The following ELMO1 variants were observed in gnomAD, a reference collection of about 807,000 sequenced individuals.
The protein encoded by ELMO1 is engulfment and cell motility 1, also known as engulfment and cell motility protein 1.
ELMO1 carries 26 observed loss-of-function variants against 98.9 expected under a neutral mutation model. That is an observed-to-expected ratio of 0.26 (90% confidence interval 0.19 to 0.36). The LOEUF is 0.36. Ranked by LOEUF, ELMO1 falls within the 10% of genes least tolerant of loss-of-function variation. The probability of loss-of-function intolerance (pLI) is 1.00; values close to 1 mark genes in which losing one functional copy is unlikely to be tolerated. For missense variants in ELMO1, 627 were observed against 935.2 expected (o/e 0.67, Z 4.30); for synonymous variants, 346 against 346.0 (o/e 1.00, Z 0.00).
chr7:37,153,745 A>G (rs1788524476), intron 13 of ELMO1, among the ~76,000 whole-genome samples: 1 of 152,210 alleles, frequency 6.6e-6, no homozygotes, highest in Non-Finnish European at 1.5e-5. Context: ...AACAAAAGGC[A>G]GCAGACATCT....
At chr7:37,065,011 G>A (rs1796878269) in intron 15 of ELMO1, among the ~76,000 whole-genome samples, 1 of 152,052 alleles carries the variant, frequency 6.6e-6, no homozygotes, top group South Asian at 2.1e-4. Context: ...ATTGGTTCTA[G>A]TCCATTGGTG....
chr7:37,260,983 A>C (rs1795947567), intron 5 of ELMO1, among the ~76,000 whole-genome samples: 1 of 152,220 alleles, frequency 6.6e-6, no homozygotes, highest in South Asian at 2.1e-4. Context: ...AAATCATTTC[A>C]AATTCCTTGA....
chr7:36,886,043 T>G (rs1187581005), intron 18 of ELMO1, among the ~76,000 whole-genome samples: 1 of 152,188 alleles, frequency 6.6e-6, no homozygotes, highest in Non-Finnish European at 1.5e-5. Flanking sequence ...CAGGGCTATG[T>G]CCTTGCCACT....
At position 36,887,671 on chromosome 7, in the gene ELMO1, C is replaced by G. The variant is rs1327911146; in HGVS notation, c.1603G>C (p.Glu535Gln). The G allele has an allele frequency of 6.2e-7, 1 of 1,613,850 alleles. No homozygotes were observed. Residue 535 changes from glutamate (E) to glutamine (Q), a missense_variant and splice_region_variant, in exon 18 of 22, where the codon GAA becomes CAA. Physicochemically the swap from Glu to Gln is conservative, Grantham distance 29 (BLOSUM62 2). Transcript: ENST00000310758. ...TCTGGCTGAATCTTCTCCTTTAGTT[C>G]CCTGTTAGAGGAAAAACACATATTC... ...QEDFQSRPIL[E>Q]LKEKIQPEIL...
intron 4 of ELMO1, among the ~76,000 whole-genome samples, chr7:37,285,545 G>A (rs981479385): frequency 1.3e-5 from 2 of 152,210 alleles, no homozygotes; most frequent in Non-Finnish European, 2.9e-5. Flanking sequence ...ACACTGTATT[G>A]TGGTGACAAA....
At chr7:37,058,555 T>A (rs1365538551) in intron 15 of ELMO1, among the ~76,000 whole-genome samples, 1 of 152,146 alleles carries the variant, frequency 6.6e-6, no homozygotes, top group Non-Finnish European at 1.5e-5. Flanking sequence ...TTCATCAGAC[T>A]GACTGGAGGT....
chr7:37,287,907 G>A (rs1484200195), intron 4 of ELMO1, among the ~76,000 whole-genome samples: 2 of 152,106 alleles, frequency 1.3e-5, no homozygotes, highest in Non-Finnish European at 2.9e-5. Flanking sequence ...ACAATGCTAG[G>A]GTCTGGCTCC....
At chr7:37,075,608 C>T (rs1359083652) in intron 15 of ELMO1, among the ~76,000 whole-genome samples, 1 of 152,144 alleles carries the variant, frequency 6.6e-6, no homozygotes, top group African/African-American at 2.4e-5. Flanking sequence ...GGACACTGTC[C>T]TTTTATTTAA....
Position 37,005,127 on chromosome 7 carries a change from A to G in ELMO1, c.1437+8172T>C, listed in dbSNP as rs558067492. Among the ~76,000 whole-genome samples, 63 of 150,482 alleles carry G rather than the reference A, an allele frequency of 4.2e-4. 2 individuals are homozygous for G. In the South Asian group the frequency reaches 5.9e-3, roughly 14 times the overall value. Reference sequence around the variant, plus strand: ...TGTCTCAAAAAAAAAAAAAAAAAAAAAAAAAGAAAAAAAGAAAATTACATG... The same window carrying G: ...TGTCTCAAAAAAAAAAAAAAAAAAAGAAAAAGAAAAAAAGAAAATTACATG... On this transcript the variant is annotated intron_variant, in intron 16 of 21. Coordinates refer to ENST00000310758, the MANE Select transcript of ELMO1 (RefSeq NM_014800.11).
chr7:37,148,871 A>T (rs1376584672), intron 13 of ELMO1, among the ~76,000 whole-genome samples: 1 of 152,176 alleles, frequency 6.6e-6, no homozygotes, highest in East Asian at 1.9e-4. Context: ...GGATAAATAC[A>T]TGTCATGTAC....
At chr7:37,308,615 T>G (rs1798735266) in intron 4 of ELMO1, among the ~76,000 whole-genome samples, 1 of 152,226 alleles carries the variant, frequency 6.6e-6, no homozygotes, top group Non-Finnish European at 1.5e-5. Flanking sequence ...TTGTCTGTGA[T>G]TATCAGGAAG....
At chr7:37,156,255 A>G (rs1682958367) in intron 13 of ELMO1, among the ~76,000 whole-genome samples, 1 of 152,218 alleles carries the variant, frequency 6.6e-6, no homozygotes, top group South Asian at 2.1e-4. Context: ...TAACAACACA[A>G]TTAAAAGAAC....
chr7:36,903,984 C>A (rs995031823), intron 16 of ELMO1, among the ~76,000 whole-genome samples: 1 of 152,238 alleles, frequency 6.6e-6, no homozygotes, highest in Non-Finnish European at 1.5e-5. Flanking sequence ...TACTTGAGGC[C>A]AGACCACTCC....
chr7:37,374,821 G>A (rs1167576843), intron 1 of ELMO1, among the ~76,000 whole-genome samples: 1 of 152,122 alleles, frequency 6.6e-6, no homozygotes, highest in African/African-American at 2.4e-5. Context: ...TCAGCACTTT[G>A]GGAGGCTGAG....
chr7:37,239,400 C>T (rs1693891392), intron 7 of ELMO1, among the ~76,000 whole-genome samples: 1 of 152,124 alleles, frequency 6.6e-6, no homozygotes, highest in African/African-American at 2.4e-5. Context: ...TTCCTGACCT[C>T]GTGATCCACC....
At chr7:37,122,472 G>T (rs1786134257) in intron 14 of ELMO1, among the ~76,000 whole-genome samples, 1 of 152,148 alleles carries the variant, frequency 6.6e-6, no homozygotes, top group Non-Finnish European at 1.5e-5. Flanking sequence ...ACAAAAAAAG[G>T]CAGGGGTTGG....
intron 15 of ELMO1, among the ~76,000 whole-genome samples, chr7:37,018,599 C>T (rs1413637125): frequency 6.6e-6 from 1 of 152,132 alleles, no homozygotes; most frequent in African/African-American, 2.4e-5. Context: ...GCCTCAGCCT[C>T]CCAAATAGCT....
At chr7:37,421,637 C>G (rs1804477097) in intron 1 of ELMO1, among the ~76,000 whole-genome samples, 1 of 152,198 alleles carries the variant, frequency 6.6e-6, no homozygotes. Context: ...GGCAGCACAT[C>G]AATTCATTCC....
chr7:37,242,762 G>A (rs1291627926), intron 7 of ELMO1, among the ~76,000 whole-genome samples: 1 of 152,200 alleles, frequency 6.6e-6, no homozygotes, highest in Non-Finnish European at 1.5e-5. Flanking sequence ...CCTACTCTCT[G>A]AGCTTCTCGT....
Sources: allele counts gnomAD v4.1 joint callset (sites outside exome capture counted in the v4.1 genomes callset), GRCh38; gene constraint gnomAD v4.1.1; transcripts MANE v1.5; gene names NCBI Gene and HGNC (gene_info 2026-07-23, HGNC 2026-07-21).